The following DAB1 variants were observed in gnomAD, a reference collection of about 807,000 sequenced individuals.
The protein encoded by DAB1 is disabled homolog 1.
In DAB1, 15 loss-of-function variants were observed where a neutral mutation model predicts 64.6. That is an observed-to-expected ratio of 0.23 (90% CI 0.16 to 0.36). DAB1 has a LOEUF of 0.36. Ranked by LOEUF, DAB1 falls within the 10% of genes least tolerant of loss-of-function variation. The pLI, the probability that DAB1 is intolerant of heterozygous loss-of-function variation, is 1.00. For missense variants in DAB1, 596 were observed against 706.7 expected (o/e 0.84, Z 1.78); for synonymous variants, 235 against 251.9 (o/e 0.93, Z 0.64).
intron 6 of DAB1, among the ~76,000 whole-genome samples, chr1:57,743,277 C>T (rs1189826820): frequency 1.3e-5 from 2 of 152,098 alleles, no homozygotes; most frequent in African/African-American, 4.8e-5. Flanking sequence ...TTTGTTTCTG[C>T]CCCACCCTAA....
chr1:57,611,351 C>A (rs1534047), intron 7 of DAB1, among the ~76,000 whole-genome samples: 31,990 of 151,930 alleles, frequency 0.21, 3,680 homozygotes, highest in African/African-American at 0.32. Flanking sequence ...TGTTCTATCA[C>A]CTCCTGCATC....
chr1:58,491,150 T>C (rs79002688), intron 3 of DAB1, among the ~76,000 whole-genome samples: 5 of 151,994 alleles, frequency 3.3e-5, no homozygotes, highest in Admixed American at 2.6e-4. Context: ...CAGAATTTCA[T>C]ATCCAGCCAA....
chr1:57,147,549 T>C (rs1659265883), intron 2 of DAB1, among the ~76,000 whole-genome samples: 1 of 152,170 alleles, frequency 6.6e-6, no homozygotes, highest in African/African-American at 2.4e-5. Context: ...ATAATCCGTA[T>C]AATACTTAAG....
intron 3 of DAB1, among the ~76,000 whole-genome samples, chr1:58,489,661 C>A (rs929374700): frequency 6.6e-6 from 1 of 152,162 alleles, no homozygotes; most frequent in African/African-American, 2.4e-5. Context: ...GGGTCCCTGA[C>A]CCCTGAGTAG....
intron 2 of DAB1, among the ~76,000 whole-genome samples, chr1:57,150,420 T>C (rs1033818620): frequency 6.6e-6 from 1 of 152,206 alleles, no homozygotes; most frequent in Non-Finnish European, 1.5e-5. Context: ...ATTAATTATA[T>C]GATCATCATT....
At chr1:58,420,629 G>A (rs1316248831) in intron 3 of DAB1, among the ~76,000 whole-genome samples, 1 of 152,098 alleles carries the variant, frequency 6.6e-6, no homozygotes, top group African/African-American at 2.4e-5. Context: ...CCTATTGTCA[G>A]ACAAACTGAG....
At chr1:58,074,349 G>T (rs1276916948) in intron 5 of DAB1, 1 of 150,964 alleles carries the variant, frequency 6.6e-6, no homozygotes, top group Non-Finnish European at 1.5e-5. Context: ...TGTTGCACTA[G>T]GCTTCAACTG....
intron 5 of DAB1, among the ~76,000 whole-genome samples, chr1:57,941,829 C>T (rs1006250905): frequency 1.3e-5 from 2 of 151,336 alleles, no homozygotes; most frequent in Admixed American, 6.6e-5. Flanking sequence ...AGTGAGACTC[C>T]GTCTCTTAAA....
chr1:57,748,919 G>C (rs538070923), intron 6 of DAB1, among the ~76,000 whole-genome samples: 1 of 152,338 alleles, frequency 6.6e-6, no homozygotes, highest in South Asian at 2.1e-4. Flanking sequence ...ATCTTTTCAT[G>C]TGAAATTGTG....
intron 4 of DAB1, among the ~76,000 whole-genome samples, chr1:58,335,262 C>T (rs1014131697): frequency 2.0e-5 from 3 of 152,066 alleles, no homozygotes; most frequent in Non-Finnish European, 4.4e-5. Context: ...TGAGAAAAGG[C>T]AAGAAGATTT....
At chr1:57,509,912 A>G (rs1644388029) in intron 7 of DAB1, among the ~76,000 whole-genome samples, 1 of 152,196 alleles carries the variant, frequency 6.6e-6, no homozygotes, top group African/African-American at 2.4e-5. Flanking sequence ...CCTATGCTCC[A>G]CATCTCTGCA....
chr1:57,915,056 T>C (rs1644705742), intron 5 of DAB1, among the ~76,000 whole-genome samples: 1 of 144,648 alleles, frequency 6.9e-6, no homozygotes, highest in Admixed American at 7.2e-5. Context: ...AGGGCAATTA[T>C]AGAACTAAAT....
intron 4 of DAB1, chr1:58,150,614 C>A (rs1311126445): frequency 2.0e-5 from 3 of 148,944 alleles, no homozygotes; most frequent in African/African-American, 7.4e-5. Context: ...AAAGTGGGAG[C>A]AGGTTGGGAG....
chr1:57,197,111 A>G (rs1664686566), intron 2 of DAB1, among the ~76,000 whole-genome samples: 1 of 152,122 alleles, frequency 6.6e-6, no homozygotes, highest in Non-Finnish European at 1.5e-5. Flanking sequence ...TGAGGCGGGC[A>G]GATCACTTGA....
intron 7 of DAB1, among the ~76,000 whole-genome samples, chr1:57,514,719 C>T (rs921827886): frequency 3.3e-5 from 5 of 152,114 alleles, no homozygotes; most frequent in African/African-American, 1.2e-4. Flanking sequence ...GCTGGCAATA[C>T]CAAAGAGTAT....
chr1:57,314,385 G>A (rs1370206076), intron 1 of DAB1, among the ~76,000 whole-genome samples: 1 of 152,160 alleles, frequency 6.6e-6, no homozygotes, highest in African/African-American at 2.4e-5. Context: ...CCAGAGTTTT[G>A]GGAAGAGCAC....
intron 1 of DAB1, among the ~76,000 whole-genome samples, chr1:57,879,190 C>T (rs1644103132): frequency 6.6e-6 from 1 of 152,166 alleles, no homozygotes. Flanking sequence ...AGCTAAGCTA[C>T]ATTTACATTC....
chr1:57,218,533 A>AAAAAAG (rs1666607767), intron 2 of DAB1, among the ~76,000 whole-genome samples: 1 of 146,168 alleles, frequency 6.8e-6, no homozygotes, highest in Admixed American at 6.7e-5. Flanking sequence ...AAAAAAAAAA[A>AAAAAAG]AAAAAAAAAA....
intron 5 of DAB1, among the ~76,000 whole-genome samples, chr1:57,934,760 C>A (rs190912594): frequency 3.9e-5 from 6 of 152,286 alleles, no homozygotes; most frequent in Non-Finnish European, 7.4e-5. Context: ...TTCCTCACCG[C>A]GCAGTAGGGT....
Sources: allele counts gnomAD v4.1 joint callset (sites outside exome capture counted in the v4.1 genomes callset), GRCh38; gene constraint gnomAD v4.1.1; transcripts MANE v1.5; gene names NCBI Gene and HGNC (gene_info 2026-07-23, HGNC 2026-07-21).